The following ARMC9 variants were observed in gnomAD, a reference collection of about 807,000 sequenced individuals.
The protein encoded by ARMC9 is armadillo repeat containing 9, also known as lisH domain-containing protein ARMC9.
Under a neutral mutation model 107.0 loss-of-function variants are expected in ARMC9, and 94 were observed. The observed-to-expected ratio is 0.88, with a 90% CI of 0.74 to 1.04. The LOEUF is 1.04. Ranked by LOEUF, ARMC9 falls within the 50% of genes least tolerant of loss-of-function variation. The pLI, the probability that ARMC9 is intolerant of heterozygous loss-of-function variation, is 0.00. For synonymous variants in ARMC9, 380 were observed against 396.9 expected, an observed-to-expected ratio of 0.96 and a Z score of 0.51; for missense variants, 942 against 1,030.1, an observed-to-expected ratio of 0.91 and a Z score of 1.17.
Position 231,276,767 on chromosome 2 carries a change from GCAGCACAGGTCT to G in ARMC9, c.1471_1474+8del, listed in dbSNP as rs753730553. On this transcript the variant is annotated splice_donor_variant and splice_donor_region_variant and coding_sequence_variant and intron_variant, in exon 15 of 25. Coordinates refer to ENST00000611582, the MANE Select transcript of ARMC9 (RefSeq NM_001352754.2). LOFTEE classifies it high-confidence loss of function. ...GCTTTGCTCATGAACCTCTGCCTCC[GCAGCACAGGTCT>G]CAGCCCCGACCCTCATTCTAGTGCA... 2.5e-6 allele frequency: 4 copies of G among 1,613,862 alleles called. No homozygotes were observed. In the Admixed American group the frequency reaches 6.7e-5, roughly 27 times the overall value.
intron 20 of ARMC9, among the ~76,000 whole-genome samples, chr2:231,336,175 A>G (rs1161306486): frequency 2.0e-5 from 3 of 152,170 alleles, no homozygotes; most frequent in Non-Finnish European, 4.4e-5. Context: ...CCTGGGTTAA[A>G]GGATATAAAC....
intron 19 of ARMC9, among the ~76,000 whole-genome samples, chr2:231,312,416 A>T (rs2042404992): frequency 6.6e-6 from 1 of 152,226 alleles, no homozygotes; most frequent in South Asian, 2.1e-4. Flanking sequence ...GTCTCAAAGG[A>T]TTAGAAAAAT....
intron 19 of ARMC9, among the ~76,000 whole-genome samples, chr2:231,329,418 C>A (rs985806552): frequency 1.3e-5 from 2 of 152,128 alleles, no homozygotes; most frequent in African/African-American, 4.8e-5. Context: ...TCAAGTGATC[C>A]TCCTGCCTCA....
At chr2:231,319,989 A>G (rs934674289) in intron 19 of ARMC9, among the ~76,000 whole-genome samples, 2 of 152,188 alleles carry the variant, frequency 1.3e-5, no homozygotes. Flanking sequence ...GTACTTTCAT[A>G]ATATACACTG....
At chr2:231,215,758 A>G (rs1291777382) in intron 4 of ARMC9, among the ~76,000 whole-genome samples, 2 of 152,198 alleles carry the variant, frequency 1.3e-5, no homozygotes, top group African/African-American at 4.8e-5. Flanking sequence ...GAATGTCAGA[A>G]CACCAACGGT....
chr2:231,202,464 A>G (rs1191544220), intron 1 of ARMC9, among the ~76,000 whole-genome samples: 1 of 151,302 alleles, frequency 6.6e-6, no homozygotes, highest in Non-Finnish European at 1.5e-5. Flanking sequence ...CTGGGATTAC[A>G]GGCACACACC....
intron 5 of ARMC9, among the ~76,000 whole-genome samples, 165 bp from the exon 6 acceptor site, chr2:231,222,563 T>C (rs1185871313): frequency 1.4e-4 from 22 of 152,210 alleles, no homozygotes; most frequent in Non-Finnish European, 1.5e-5. Context: ...TGTAAATGAG[T>C]TGGTCAGATG....
intron 20 of ARMC9, among the ~76,000 whole-genome samples, chr2:231,332,681 C>T (rs192808404): frequency 4.0e-4 from 61 of 152,208 alleles, no homozygotes; most frequent in African/African-American, 1.4e-3. Context: ...TGCCAGGGCC[C>T]GCAGATATCT....
intron 9 of ARMC9, among the ~76,000 whole-genome samples, chr2:231,250,760 G>A (rs2037230216): frequency 6.6e-6 from 1 of 152,154 alleles, no homozygotes; most frequent in African/African-American, 2.4e-5. Context: ...AAAGACCCCT[G>A]TGTTGAGTGT....
chr2:231,330,056 G>A (rs2043615531), intron 19 of ARMC9, among the ~76,000 whole-genome samples: 1 of 152,040 alleles, frequency 6.6e-6, no homozygotes, highest in Non-Finnish European at 1.5e-5. Context: ...AAACCCACTG[G>A]ACATATTTGT....
intron 17 of ARMC9, among the ~76,000 whole-genome samples, chr2:231,287,277 T>C (rs1017488108): frequency 3.3e-5 from 5 of 152,204 alleles, no homozygotes; most frequent in African/African-American, 9.7e-5. Flanking sequence ...CAGAATGATG[T>C]GTATTCCCCA....
At position 231,225,729 on chromosome 2, in the gene ARMC9, A is replaced by G. The variant is rs561817807; in HGVS notation, c.598-1045A>G. On this transcript the variant is annotated intron_variant, in intron 6 of 24. Transcript: ENST00000611582. ...CCAGGGGCTGGGGAGAGCAGGGAAA[A>G]TGGGAGTAACTGCCAGTGAATACAG... Among the ~76,000 whole-genome samples, 6 of 152,316 alleles carry G rather than the reference A, an allele frequency of 3.9e-5. No homozygotes were observed. In the South Asian group the frequency reaches 1.2e-3, roughly 32 times the overall value.
chr2:231,217,112 C>G (rs1366418055), intron 5 of ARMC9, among the ~76,000 whole-genome samples: 3 of 152,132 alleles, frequency 2.0e-5, no homozygotes, highest in African/African-American at 4.8e-5. Flanking sequence ...TGCATAAATA[C>G]ATTGTATTAT....
intron 19 of ARMC9, among the ~76,000 whole-genome samples, chr2:231,314,693 G>A (rs1384744869): frequency 6.6e-6 from 1 of 152,138 alleles, no homozygotes; most frequent in East Asian, 1.9e-4. Context: ...ATGTCCCCTA[G>A]GAGGCAAAAT....
intron 19 of ARMC9, among the ~76,000 whole-genome samples, chr2:231,330,247 A>T (rs573812529): frequency 4.5e-4 from 25 of 55,440 alleles, no homozygotes; most frequent in African/African-American, 1.0e-3. Context: ...TTTTTTTTTG[A>T]GACGGAATCT....
intron 23 of ARMC9, among the ~76,000 whole-genome samples, chr2:231,366,345 T>C (rs2045817111): frequency 6.6e-6 from 1 of 152,110 alleles, no homozygotes; most frequent in Non-Finnish European, 1.5e-5. Context: ...CAGAAACATC[T>C]AGAATAATAT....
At chr2:231,322,986 G>A (rs1309992038) in intron 19 of ARMC9, among the ~76,000 whole-genome samples, 1 of 152,202 alleles carries the variant, frequency 6.6e-6, no homozygotes, top group Non-Finnish European at 1.5e-5. Flanking sequence ...GTCGCCCAGT[G>A]CACCCAGCAC....
chr2:231,225,646 A>G (rs959843104), intron 6 of ARMC9, among the ~76,000 whole-genome samples: 1 of 152,176 alleles, frequency 6.6e-6, no homozygotes, highest in African/African-American at 2.4e-5. Context: ...ATATGACTCT[A>G]TTCATAAAAT....
chr2:231,235,453 A>T, intron 8 of ARMC9, 72 bp downstream of exon 8: 1 of 1,524,706 alleles, frequency 6.6e-7, no homozygotes. Context: ...GACTATGTTG[A>T]TATGGCAGGT....
Sources: gnomAD v4.1 joint callset for allele counts (sites outside exome capture counted in the v4.1 genomes callset) on GRCh38, gnomAD v4.1.1 for gene constraint, MANE v1.5 for transcripts, NCBI Gene and HGNC (gene_info 2026-07-23, HGNC 2026-07-21) for gene names.